ZFPM2: variants seen among roughly 807,000 people sequenced by gnomAD.
The protein encoded by ZFPM2 is zinc finger protein, FOG family member 2.
Under a neutral mutation model 98.6 loss-of-function variants are expected in ZFPM2, and 20 were observed. The observed-to-expected ratio is 0.20, with a 90% confidence interval of 0.14 to 0.29. ZFPM2 has a LOEUF of 0.29. Ranked by LOEUF, ZFPM2 falls within the 10% of genes least tolerant of loss-of-function variation. ZFPM2 has a pLI of 1.00. For synonymous variants in ZFPM2, 518 were observed against 502.7 expected (o/e 1.03, Z -0.41); for missense variants, 1,310 against 1,388.6 (o/e 0.94, Z 0.90).
intron 6 of ZFPM2, chr8:105,797,965 GT>G (rs1297963168): frequency 6.6e-6 from 1 of 152,178 alleles, no homozygotes; most frequent in East Asian, 1.9e-4. Flanking sequence ...CTTTCATTTT[GT>G]TTTATACCCA....
chr8:105,650,299 C>T (rs937809578), intron 5 of ZFPM2, among the ~76,000 whole-genome samples: 2 of 151,930 alleles, frequency 1.3e-5, no homozygotes, highest in African/African-American at 2.4e-5. Context: ...AGTGGTCTGT[C>T]AATTTTGTTG....
chr8:105,482,430 C>A (rs1813138594), intron 3 of ZFPM2, among the ~76,000 whole-genome samples: 1 of 152,082 alleles, frequency 6.6e-6, no homozygotes, highest in African/African-American at 2.4e-5. Flanking sequence ...CTTCTCTTTG[C>A]ATTTATTGTG....
rs768059126 is a variant in ZFPM2 at position 105,692,366 on chromosome 8, C to A, written c.532+58009C>A. On this transcript the variant is annotated intron_variant, in intron 5 of 7. Coordinates refer to ENST00000407775, the MANE Select transcript of ZFPM2 (RefSeq NM_012082.4). ...GTGGATTATGCAAATAATTTAAACA[C>A]AAATATCTATATGTAGGGGGTGCAA... 2.0e-4 allele frequency among the ~76,000 whole-genome samples: 31 copies of A among 152,078 alleles called. 1 individual carries two copies. The highest frequency in any genetic ancestry group is 3.7e-4 in the Non-Finnish European group (25 of 68,012).
intron 5 of ZFPM2, among the ~76,000 whole-genome samples, chr8:105,698,602 C>A (rs539684525): frequency 6.6e-6 from 1 of 152,130 alleles, no homozygotes; most frequent in East Asian, 1.9e-4. Context: ...GAAATAGTCC[C>A]AAGTTGGAAA....
intron 5 of ZFPM2, among the ~76,000 whole-genome samples, chr8:105,730,844 C>T (rs908731345): frequency 1.4e-5 from 2 of 141,760 alleles, no homozygotes; most frequent in Non-Finnish European, 3.0e-5. Context: ...GATTAGAAAG[C>T]GTTTGGAACT....
intron 3 of ZFPM2, among the ~76,000 whole-genome samples, chr8:105,513,241 T>A (rs1469515491): frequency 1.3e-5 from 2 of 152,218 alleles, no homozygotes; most frequent in Admixed American, 1.3e-4. Context: ...TAGATATTTT[T>A]TAAGGCCCTT....
intron 3 of ZFPM2, among the ~76,000 whole-genome samples, chr8:105,492,424 T>G (rs1813373676): frequency 6.6e-6 from 1 of 152,168 alleles, no homozygotes; most frequent in African/African-American, 2.4e-5. Flanking sequence ...CTAAAATATG[T>G]AAACCTGAAA....
chr8:105,418,776 A>G (rs778080100), intron 1 of ZFPM2: 1 of 507,406 alleles, frequency 2.0e-6, no homozygotes, highest in Non-Finnish European at 3.9e-6. Context: ...ACAACAGTGT[A>G]AAAGAGACTT....
intron 4 of ZFPM2, among the ~76,000 whole-genome samples, chr8:105,575,120 C>T (rs1252744190): frequency 1.3e-5 from 2 of 152,106 alleles, no homozygotes; most frequent in Admixed American, 6.5e-5. Context: ...CAAGTGTCCC[C>T]CCGCCTCTGC....
At chr8:105,494,878 T>C (rs1349049667) in intron 3 of ZFPM2, among the ~76,000 whole-genome samples, 1 of 152,230 alleles carries the variant, frequency 6.6e-6, no homozygotes, top group Non-Finnish European at 1.5e-5. Context: ...TTGGTTCTTA[T>C]ATAATGAAAC....
chr8:105,729,709 A>G (rs891766199), intron 5 of ZFPM2, among the ~76,000 whole-genome samples: 1 of 151,536 alleles, frequency 6.6e-6, no homozygotes, highest in African/African-American at 2.4e-5. Context: ...TTTCTATCCT[A>G]TGGTTCATTG....
At chr8:105,690,895 T>C (rs1443630773) in intron 5 of ZFPM2, 3 of 152,184 alleles carry the variant, frequency 2.0e-5, no homozygotes, top group African/African-American at 7.2e-5. Flanking sequence ...CTAGGGAAAC[T>C]ATCTAGAGAG....
chr8:105,389,287 A>G (rs1425406533), intron 1 of ZFPM2, among the ~76,000 whole-genome samples: 1 of 152,158 alleles, frequency 6.6e-6, no homozygotes, highest in East Asian at 1.9e-4. Context: ...AACAGTATTT[A>G]AGATCTTAGA....
chr8:105,329,255 A>G (rs980811522), intron 1 of ZFPM2, among the ~76,000 whole-genome samples: 2 of 151,850 alleles, frequency 1.3e-5, no homozygotes, highest in Non-Finnish European at 2.9e-5. Context: ...AGCCTGAAGG[A>G]CAAAAAGGTC....
chr8:105,782,564 C>T (rs1479493057), intron 5 of ZFPM2: 1 of 152,122 alleles, frequency 6.6e-6, no homozygotes, highest in Non-Finnish European at 1.5e-5. Context: ...ATAGTTGTCC[C>T]TCAGTATCCA....
intron 1 of ZFPM2, 128 bp downstream of exon 1, chr8:105,319,109 A>C: frequency 8.8e-7 from 1 of 1,136,994 alleles, no homozygotes; most frequent in Non-Finnish European, 1.2e-6. Context: ...GATGTCTCAA[A>C]CTTTGCCTGA....
chr8:105,659,483 G>A (rs1817348324), intron 5 of ZFPM2, among the ~76,000 whole-genome samples: 1 of 152,188 alleles, frequency 6.6e-6, no homozygotes, highest in Non-Finnish European at 1.5e-5. Context: ...TAGAGGATGA[G>A]CAATTCATTT....
chr8:105,417,379 A>G (rs1811699457), intron 1 of ZFPM2, among the ~76,000 whole-genome samples: 1 of 152,112 alleles, frequency 6.6e-6, no homozygotes. Flanking sequence ...ACACAACTGC[A>G]CTTGTACCCC....
At chr8:105,756,963 C>A (rs1812614823) in intron 5 of ZFPM2, among the ~76,000 whole-genome samples, 1 of 152,098 alleles carries the variant, frequency 6.6e-6, no homozygotes, top group Admixed American at 6.5e-5. Context: ...AGCAATGCAA[C>A]AGAATGTGAC....
Sources: gnomAD v4.1 joint callset for allele counts (sites outside exome capture counted in the v4.1 genomes callset) on GRCh38, gnomAD v4.1.1 for gene constraint, MANE v1.5 for transcripts, NCBI Gene and HGNC (gene_info 2026-07-23, HGNC 2026-07-21) for gene names.